Variants in ARHGAP26 observed in about 807,000 individuals in gnomAD.
ARHGAP26 encodes the protein rho GTPase-activating protein 26.
In ARHGAP26, 38 loss-of-function variants were observed where a neutral mutation model predicts 104.8. The observed-to-expected ratio is 0.36, with a 90% CI of 0.28 to 0.48. ARHGAP26 has a LOEUF of 0.48. Among genes scored for constraint, ARHGAP26 ranks in the 20% least tolerant of loss-of-function variants. The pLI is 0.99. For missense variants in ARHGAP26, 704 were observed against 947.9 expected (o/e 0.74, Z 3.38); for synonymous variants, 341 against 340.0 (o/e 1.00, Z -0.03).
At chr5:142,874,355 A>G (rs1330575381) in intron 2 of ARHGAP26, among the ~76,000 whole-genome samples, 3 of 152,232 alleles carry the variant, frequency 2.0e-5, no homozygotes, top group African/African-American at 7.2e-5. Context: ...TATTGGATTA[A>G]TTAATTCATC....
intron 13 of ARHGAP26, 198 bp from the exon 14 acceptor site, chr5:143,041,618 C>T (rs988578751): frequency 3.7e-5 from 21 of 572,344 alleles, no homozygotes; most frequent in Admixed American, 1.5e-4. Context: ...GCAGCACATC[C>T]GTGAAATCCT....
intron 12 of ARHGAP26, among the ~76,000 whole-genome samples, chr5:143,030,606 A>G (rs1781705381): frequency 6.6e-6 from 1 of 152,220 alleles, no homozygotes; most frequent in Non-Finnish European, 1.5e-5. Context: ...CATCACAAAA[A>G]AAATGAGAAA....
At chr5:142,879,221 T>G (rs1444136721) in intron 3 of ARHGAP26, among the ~76,000 whole-genome samples, 153 bp from the exon 4 acceptor site, 1 of 152,224 alleles carries the variant, frequency 6.6e-6, no homozygotes, top group Non-Finnish European at 1.5e-5. Context: ...GACATGCTAT[T>G]AGTTCGAAGG....
chr5:142,965,434 T>C (rs1771157456), intron 11 of ARHGAP26, among the ~76,000 whole-genome samples: 1 of 152,200 alleles, frequency 6.6e-6, no homozygotes, highest in Non-Finnish European at 1.5e-5. Context: ...AACGGGCGTC[T>C]TCCCAGACGC....
intron 17 of ARHGAP26, 106 bp from the exon 18 acceptor site, chr5:143,120,882 A>G: frequency 1.8e-6 from 2 of 1,138,836 alleles, no homozygotes; most frequent in Non-Finnish European, 1.2e-6. Flanking sequence ...TCTGGCTCCT[A>G]CAGATGAGGA....
intron 19 of ARHGAP26, among the ~76,000 whole-genome samples, chr5:143,141,038 G>A (rs971446184): frequency 5.3e-5 from 8 of 152,200 alleles, no homozygotes; most frequent in African/African-American, 7.2e-5. Context: ...TGCAGATCCC[G>A]GGTGCCCTGG....
chr5:143,142,134 C>CT (rs762332039), intron 19 of ARHGAP26, among the ~76,000 whole-genome samples: 2,671 of 105,246 alleles, frequency 0.025, 160 homozygotes, highest in African/African-American at 0.071. Flanking sequence ...CTACTTTTCA[C>CT]TTTTTTTTTT....
intron 1 of ARHGAP26, among the ~76,000 whole-genome samples, chr5:142,803,736 G>T (rs1762474354): frequency 6.6e-6 from 1 of 152,196 alleles, no homozygotes; most frequent in African/African-American, 2.4e-5. Context: ...ATCTGGGGAT[G>T]TGTTCTTGGG....
At chr5:142,997,137 A>G (rs1040486947) in intron 11 of ARHGAP26, among the ~76,000 whole-genome samples, 2 of 152,148 alleles carry the variant, frequency 1.3e-5, no homozygotes, top group Non-Finnish European at 2.9e-5. Flanking sequence ...TCATATATGT[A>G]TATTGTATGT....
intron 11 of ARHGAP26, among the ~76,000 whole-genome samples, chr5:142,954,375 A>C (rs1768871628): frequency 6.6e-6 from 1 of 152,318 alleles, no homozygotes; most frequent in East Asian, 1.9e-4. Flanking sequence ...TATTCTTATA[A>C]TTGAAAATTC....
chr5:142,814,010 T>C (rs1164749481), intron 1 of ARHGAP26, among the ~76,000 whole-genome samples: 2 of 152,216 alleles, frequency 1.3e-5, no homozygotes, highest in Admixed American at 1.3e-4. Context: ...TAATAAGATC[T>C]TACTGGTGGC....
intron 2 of ARHGAP26, among the ~76,000 whole-genome samples, chr5:142,873,770 C>T (rs964662779): frequency 1.4e-4 from 22 of 152,010 alleles, no homozygotes; most frequent in African/African-American, 2.9e-4. Context: ...AGTATTTTTC[C>T]GGCTGGTGAC....
At chr5:143,207,073 A>AG in intron 20 of ARHGAP26, 125 bp from the exon 21 acceptor site, 1 of 1,141,994 alleles carries the variant, frequency 8.8e-7, no homozygotes, top group Non-Finnish European at 1.3e-6. Flanking sequence ...CTGACAGCAC[A>AG]TCCCTGGGTT....
chr5:143,077,433 C>A (rs1040261608), intron 17 of ARHGAP26, among the ~76,000 whole-genome samples: 2 of 152,184 alleles, frequency 1.3e-5, no homozygotes, highest in African/African-American at 4.8e-5. Context: ...AACCCCAGCA[C>A]CGGTTCTTCT....
chr5:142,880,187 T>A (rs1756748283), intron 4 of ARHGAP26, among the ~76,000 whole-genome samples: 1 of 152,164 alleles, frequency 6.6e-6, no homozygotes, highest in Non-Finnish European at 1.5e-5. Context: ...TGTTCCTTTT[T>A]AAAAGGTGGA....
chr5:143,219,919 A>G (rs918701021), intron 22 of ARHGAP26, among the ~76,000 whole-genome samples: 13 of 152,172 alleles, frequency 8.5e-5, no homozygotes, highest in Admixed American at 8.5e-4. Context: ...CAGCAGTCCA[A>G]CCCAAAGGCT....
At chr5:143,196,768 G>C (rs932068946) in intron 20 of ARHGAP26, among the ~76,000 whole-genome samples, 7 of 152,216 alleles carry the variant, frequency 4.6e-5, no homozygotes, top group African/African-American at 1.4e-4. Flanking sequence ...TACAGTATGA[G>C]AGCTGAAACA....
intron 10 of ARHGAP26, among the ~76,000 whole-genome samples, chr5:142,913,667 A>T (rs936013847): frequency 1.3e-5 from 2 of 152,072 alleles, no homozygotes; most frequent in African/African-American, 2.4e-5. Context: ...AGCTATTTGA[A>T]TTTTTTTTAA....
At chr5:143,061,889 G>A (rs143734303) in intron 17 of ARHGAP26, among the ~76,000 whole-genome samples, 2 of 152,146 alleles carry the variant, frequency 1.3e-5, no homozygotes, top group Non-Finnish European at 2.9e-5. Flanking sequence ...CTTTTTAAGG[G>A]CTAGGATGAT....
Sources: gnomAD v4.1 joint callset for allele counts (sites outside exome capture counted in the v4.1 genomes callset) on GRCh38, gnomAD v4.1.1 for gene constraint, MANE v1.5 for transcripts, NCBI Gene and HGNC (gene_info 2026-07-23, HGNC 2026-07-21) for gene names.